Variants in C10orf90 observed in about 807,000 individuals in gnomAD.
The protein encoded by C10orf90 is chromosome 10 open reading frame 90.
In C10orf90, 56 loss-of-function variants were observed where a neutral mutation model predicts 62.5. That is an observed-to-expected ratio of 0.90 (90% CI 0.72 to 1.12). C10orf90 has a LOEUF of 1.12. Among genes scored for constraint, C10orf90 ranks in the 50% most tolerant of loss-of-function variants. The pLI, the probability that C10orf90 is intolerant of heterozygous loss-of-function variation, is 0.00. For synonymous variants in C10orf90, 386 were observed against 340.4 expected, an observed-to-expected ratio of 1.13 and a Z score of -1.47; for missense variants, 970 against 880.4, an observed-to-expected ratio of 1.10 and a Z score of -1.29.
At chr10:126,602,052 G>A (rs761723452) in intron 2 of C10orf90, among the ~76,000 whole-genome samples, 10 of 152,206 alleles carry the variant, frequency 6.6e-5, no homozygotes, top group Non-Finnish European at 1.0e-4. Flanking sequence ...GTAAACGTTC[G>A]CTTCAAAGCT....
At chr10:126,537,254 T>A (rs1259429283) in intron 2 of C10orf90, among the ~76,000 whole-genome samples, 3 of 152,218 alleles carry the variant, frequency 2.0e-5, no homozygotes, top group Admixed American at 6.5e-5. Context: ...ATGACACATA[T>A]AAATTCCCCT....
intron 2 of C10orf90, among the ~76,000 whole-genome samples, chr10:126,560,231 A>T (rs1864870164): frequency 6.6e-6 from 1 of 152,190 alleles, no homozygotes; most frequent in Non-Finnish European, 1.5e-5. Flanking sequence ...AGTGGGTAAG[A>T]CTCAGCCTAA....
Position 126,464,787 on chromosome 10 carries a change from G to T in C10orf90, c.1734C>A (p.Ile578=). ...AGGGGCAAAGAAACCCAGGAAAAAG[G>T]ATTCTGGGTTTCAGGAAGCTTTGAT... ...RRHQSFLKPR[I]LFPGFLCPLQ... is the part of the protein sequence containing the mutation. Residue 578 remains isoleucine (I), a synonymous_variant, in exon 5 of 10, where the codon ATC becomes ATA. Transcript: ENST00000488181. The T allele has an allele frequency of 6.2e-7, 1 of 1,614,000 alleles. No individual in the cohort carries two copies. The highest frequency in any genetic ancestry group is 8.5e-7 in the Non-Finnish European group (1 of 1,179,942).
At chr10:126,650,342 A>C (rs1161456919) in intron 1 of C10orf90, among the ~76,000 whole-genome samples, 1 of 152,204 alleles carries the variant, frequency 6.6e-6, no homozygotes, top group Non-Finnish European at 1.5e-5. Flanking sequence ...AAAAAGATTT[A>C]AGAACCATTT....
intron 7 of C10orf90, among the ~76,000 whole-genome samples, chr10:126,439,136 A>G (rs1858132308): frequency 6.6e-6 from 1 of 152,192 alleles, no homozygotes. Flanking sequence ...AGCCTTTGCC[A>G]TCAAAGACCC....
intron 7 of C10orf90, among the ~76,000 whole-genome samples, chr10:126,458,570 T>C (rs1364889553): frequency 6.6e-6 from 1 of 152,194 alleles, no homozygotes; most frequent in Admixed American, 6.5e-5. Context: ...AGTGTGACAC[T>C]GGCCTCACAG....
chr10:126,488,952 C>T (rs1177543299), intron 4 of C10orf90, among the ~76,000 whole-genome samples: 2 of 152,016 alleles, frequency 1.3e-5, no homozygotes, highest in African/African-American at 4.8e-5. Flanking sequence ...TTCTACCAAA[C>T]ACTTACAGAA....
intron 2 of C10orf90, among the ~76,000 whole-genome samples, chr10:126,637,634 C>T (rs536561411): frequency 6.6e-6 from 1 of 152,172 alleles, no homozygotes; most frequent in Non-Finnish European, 1.5e-5. Flanking sequence ...GGCTACAGGT[C>T]AGGTCGGTGA....
At chr10:126,616,511 G>A (rs573177248) in intron 2 of C10orf90, among the ~76,000 whole-genome samples, 1 of 152,324 alleles carries the variant, frequency 6.6e-6, no homozygotes. Flanking sequence ...GAGGTGGAAT[G>A]TGAGCTGGGC....
intron 1 of C10orf90, among the ~76,000 whole-genome samples, chr10:126,654,427 C>T (rs903160448): frequency 1.3e-5 from 2 of 152,198 alleles, no homozygotes; most frequent in East Asian, 3.9e-4. Flanking sequence ...ATGAACCAAC[C>T]TCTGCTAGCT....
At chr10:126,594,095 A>C (rs1012799924) in intron 2 of C10orf90, among the ~76,000 whole-genome samples, 3 of 149,748 alleles carry the variant, frequency 2.0e-5, no homozygotes, top group Non-Finnish European at 4.4e-5. Context: ...CTAATTGCAG[A>C]AGACCAGGCT....
In C10orf90 at chr10:126,659,528, C is replaced by T. The variant is rs570741747; in HGVS notation, c.240+10713G>A. On this transcript the variant is annotated intron_variant, in intron 1 of 9. Transcript: ENST00000488181. ...TTCGGCCCTATTGGTTTCTCTAATACGTTATTATTCCTAAATTTGGGATAT... is the reference window on the plus strand; with the variant it reads ...TTCGGCCCTATTGGTTTCTCTAATATGTTATTATTCCTAAATTTGGGATAT... 7.6e-4 allele frequency among the ~76,000 whole-genome samples: 115 copies of T among 152,198 alleles called. No homozygotes were observed. The South Asian group carries it at 0.01, about 14-fold the overall frequency.
chr10:126,459,349 G>A (rs1360699954), intron 6 of C10orf90, 132 bp from the exon 7 acceptor site: 15 of 965,048 alleles, frequency 1.6e-5, no homozygotes, highest in South Asian at 9.9e-5. Flanking sequence ...GCAAAAGTAC[G>A]TCACGCTTTT....
chr10:126,533,704 T>C (rs893723033), intron 2 of C10orf90, among the ~76,000 whole-genome samples: 6 of 152,168 alleles, frequency 3.9e-5, no homozygotes, highest in Non-Finnish European at 5.9e-5. Flanking sequence ...CAGGTTTGAC[T>C]TCAGTCAAGT....
rs903593650 is a variant in C10orf90, at chr10:126,555,211, G to C, written c.314-41272C>G. On this transcript the variant is annotated intron_variant, in intron 2 of 9. Transcript: ENST00000488181. Reference sequence around the variant, plus strand: ...CTTACTAATTCACAACCTGACTTTGGGTTAACCTTGAATGTTTATGGGATA... The same window carrying C: ...CTTACTAATTCACAACCTGACTTTGCGTTAACCTTGAATGTTTATGGGATA... 3.9e-5 allele frequency among the ~76,000 whole-genome samples: 6 copies of C among 152,180 alleles called. No individual in the cohort carries two copies. In the East Asian group the frequency reaches 7.7e-4, roughly 20 times the overall value.
At chr10:126,642,309 G>A (rs963674451) in intron 2 of C10orf90, among the ~76,000 whole-genome samples, 1 of 152,154 alleles carries the variant, frequency 6.6e-6, no homozygotes, top group Non-Finnish European at 1.5e-5. Flanking sequence ...AAGGTGGGCA[G>A]ATCACGAGGT....
chr10:126,481,186 C>A (rs766871387), intron 4 of C10orf90, among the ~76,000 whole-genome samples: 8 of 152,220 alleles, frequency 5.3e-5, no homozygotes, highest in Non-Finnish European at 1.0e-4. Flanking sequence ...CCTTCCCTGG[C>A]CACCCATCTA....
intron 4 of C10orf90, among the ~76,000 whole-genome samples, chr10:126,497,820 T>G (rs1018238698): frequency 1.3e-5 from 2 of 152,186 alleles, no homozygotes; most frequent in Non-Finnish European, 2.9e-5. Context: ...GGCATGGCTA[T>G]TTTCAATACA....
In C10orf90 at chr10:126,550,763, G is replaced by A. The variant is rs191821161; in HGVS notation, c.314-36824C>T. Among the ~76,000 whole-genome samples, 21 of 152,246 alleles carry A rather than the reference G, an allele frequency of 1.4e-4. No individual in the cohort carries two copies. In the East Asian group the frequency reaches 3.5e-3, roughly 25 times the overall value. On this transcript the variant is annotated intron_variant, in intron 2 of 9. Coordinates refer to ENST00000488181, the MANE Select transcript of C10orf90 (RefSeq NM_001350921.2). ...GACCCCGGGTGATTCACCTGTTCCAGCCTCCCAAAATGCTGGGATTACAGG... is the reference window on the plus strand; with the variant it reads ...GACCCCGGGTGATTCACCTGTTCCAACCTCCCAAAATGCTGGGATTACAGG...
Sources: allele counts gnomAD v4.1 joint callset (sites outside exome capture counted in the v4.1 genomes callset), GRCh38; gene constraint gnomAD v4.1.1; transcripts MANE v1.5; gene names NCBI Gene and HGNC (gene_info 2026-07-23, HGNC 2026-07-21).